The following BPIFB1 variants were observed in gnomAD, a reference collection of about 807,000 sequenced individuals.
The protein encoded by BPIFB1 is BPI fold-containing family B member 1.
BPIFB1 carries 34 observed loss-of-function variants against 55.1 expected under a neutral mutation model. The ratio of observed to expected loss-of-function variants is 0.62; its 90% CI spans 0.47 to 0.82. BPIFB1 has a LOEUF of 0.82. Among genes scored for constraint, BPIFB1 ranks in the 40% least tolerant of loss-of-function variants. The probability of loss-of-function intolerance (pLI) is 0.00; values close to 1 mark genes in which losing one functional copy is unlikely to be tolerated. For missense variants in BPIFB1, 532 were observed against 593.1 expected, an observed-to-expected ratio of 0.90 and a Z score of 1.07; for synonymous variants, 236 against 245.3, an observed-to-expected ratio of 0.96 and a Z score of 0.35.
intron 12 of BPIFB1, 81 bp downstream of exon 12, chr20:33,304,106 C>A: frequency 7.6e-7 from 1 of 1,321,092 alleles, no homozygotes; most frequent in Non-Finnish European, 1.1e-6. Flanking sequence ...TAAACACCGA[C>A]TTTGTGGCTG....
Position 33,304,766 on chromosome 20 carries a change from T to C in BPIFB1, c.1209-80T>C, listed in dbSNP as rs557183883. The C allele has an allele frequency of 2.6e-6, 4 of 1,557,964 alleles. No homozygotes were observed. In the African/African-American group the frequency reaches 4.1e-5, roughly 16 times the overall value. On this transcript the variant is annotated intron_variant, in intron 12 of 15. Coordinates refer to ENST00000253354, the MANE Select transcript of BPIFB1 (RefSeq NM_033197.3). The stretch of plus-strand genomic sequence containing the variant: ...ACTGTGCCTGGCACATAATAGGTGC[T>C]CAATAAATCGCTGTTGAATGAGTGG...
chr20:33,287,977 A>T (rs556023351), intron 2 of BPIFB1, among the ~76,000 whole-genome samples: 1 of 152,176 alleles, frequency 6.6e-6, no homozygotes. Flanking sequence ...CAGTTCCATT[A>T]CCACAGAGCA....
At chr20:33,283,830 G>T (rs1437709659) in intron 1 of BPIFB1, among the ~76,000 whole-genome samples, 2 of 152,032 alleles carry the variant, frequency 1.3e-5, no homozygotes, top group African/African-American at 4.8e-5. Context: ...TCTGGGGGAG[G>T]AGAGTCTTTT....
chr20:33,289,709 T>G (rs1212345978), intron 3 of BPIFB1, among the ~76,000 whole-genome samples, 176 bp from the exon 4 acceptor site: 1 of 151,770 alleles, frequency 6.6e-6, no homozygotes, highest in Non-Finnish European at 1.5e-5. Context: ...AATAGCATTG[T>G]GAGCAGGAGT....
intron 13 of BPIFB1, 56 bp from the exon 14 acceptor site, chr20:33,305,945 TG>T (rs893942702): frequency 4.4e-5 from 69 of 1,584,814 alleles, no homozygotes; most frequent in Middle Eastern, 1.7e-4. Flanking sequence ...CGAAGAATGA[TG>T]GGGGGGAACT....
In BPIFB1 at chr20:33,303,091, G is replaced by A; in HGVS notation, c.1140+17G>A. 1 of 1,611,934 alleles carries A rather than the reference G, an allele frequency of 6.2e-7. No individual in the cohort carries two copies. Reference sequence around the variant, plus strand: ...CTGGGCATCGTGAGTTCAGTTGTCTGCGATATTGGCAGCAACCAGGGGGAC... The same window carrying A: ...CTGGGCATCGTGAGTTCAGTTGTCTACGATATTGGCAGCAACCAGGGGGAC... On this transcript the variant is annotated intron_variant, in intron 11 of 15. Coordinates refer to ENST00000253354, the MANE Select transcript of BPIFB1 (RefSeq NM_033197.3).
chr20:33,303,528 C>T (rs866469865), intron 11 of BPIFB1, among the ~76,000 whole-genome samples: 2 of 152,164 alleles, frequency 1.3e-5, no homozygotes, highest in Non-Finnish European at 2.9e-5. Flanking sequence ...GCAGGAAGAA[C>T]CTATCTTTCC....
chr20:33,284,433 T>C (rs1980199408), intron 1 of BPIFB1, among the ~76,000 whole-genome samples: 1 of 152,172 alleles, frequency 6.6e-6, no homozygotes, highest in African/African-American at 2.4e-5. Flanking sequence ...ACCTGGTCTA[T>C]GCCAACCACT....
chr20:33,289,690 A>C (rs1980391845), intron 3 of BPIFB1, among the ~76,000 whole-genome samples, 195 bp from the exon 4 acceptor site: 1 of 152,096 alleles, frequency 6.6e-6, no homozygotes, highest in Non-Finnish European at 1.5e-5. Flanking sequence ...CTAGAAGAGA[A>C]GGCACCATAA....
At chr20:33,303,717 G>A (rs948862457) in intron 11 of BPIFB1, among the ~76,000 whole-genome samples, 2 of 152,232 alleles carry the variant, frequency 1.3e-5, no homozygotes, top group East Asian at 1.9e-4. Context: ...TTTCGTCGTC[G>A]TCATCGTCAT....
chr20:33,290,429 T>A (rs1483881133), intron 4 of BPIFB1, among the ~76,000 whole-genome samples: 1 of 152,176 alleles, frequency 6.6e-6, no homozygotes, highest in Non-Finnish European at 1.5e-5. Flanking sequence ...CAGGAGGAGA[T>A]AATGATGGCT....
rs952922298 is a variant in BPIFB1, at chr20:33,285,743, A to T, written c.-41-290A>T. ...AAAAAAAAAAAAAAAGAAAGAAAAT[A>T]GCTAATACATTCCAAGTGCTTACCA... On this transcript the variant is annotated intron_variant, in intron 1 of 15. Transcript: ENST00000253354. Among the ~76,000 whole-genome samples the T allele has an allele frequency of 2.0e-5, 3 of 151,878 alleles. 1 individual carries two copies. In the South Asian group the frequency reaches 6.2e-4, roughly 32 times the overall value.
At chr20:33,305,744 G>A (rs1021776870) in intron 13 of BPIFB1, among the ~76,000 whole-genome samples, 1 of 152,106 alleles carries the variant, frequency 6.6e-6, no homozygotes, top group African/African-American at 2.4e-5. Context: ...ACAGAGTGGT[G>A]GGGCCCCTGA....
At chr20:33,304,276 C>T (rs1481274991) in intron 12 of BPIFB1, among the ~76,000 whole-genome samples, 1 of 152,210 alleles carries the variant, frequency 6.6e-6, no homozygotes, top group African/African-American at 2.4e-5. Flanking sequence ...GGACACCTCC[C>T]AGGCCGTGGC....
rs371045318 is a variant in BPIFB1, at chr20:33,303,992, G to A, written c.1175G>A (p.Gly392Asp). 9.3e-6 allele frequency: 15 copies of A among 1,613,720 alleles called. No homozygotes were observed. Among genetic ancestry groups the A allele is most frequent in the Non-Finnish European group, 1.3e-5 (15 of 1,179,956 alleles). Residue 392 changes from glycine to aspartate, a missense_variant, in exon 12 of 16, where the codon GGT (glycine) becomes GAT (aspartate). Gly to Asp is a moderately conservative substitution (Grantham distance 94). Coordinates refer to ENST00000253354, the MANE Select transcript of BPIFB1 (RefSeq NM_033197.3). ...TCGGAAGCTCAGTTTTACACCAAAGGTGACCAACTTATACTCAACTTGAAT... is the reference window on the plus strand; with the variant it reads ...TCGGAAGCTCAGTTTTACACCAAAGATGACCAACTTATACTCAACTTGAAT... The part of the protein sequence containing the change: ...ASSEAQFYTK[G>D]DQLILNLNNI...
chr20:33,295,662 G>GAAAGAAAGAAAGAAAGAAAGAA (rs1980617971), intron 6 of BPIFB1, among the ~76,000 whole-genome samples: 1 of 136,124 alleles, frequency 7.3e-6, no homozygotes, highest in African/African-American at 3.3e-5. Flanking sequence ...GAAAGAAAGA[G>GAAAGAAAGAAAGAAAGAAAGAA]AGAAAGAAAG....
At chr20:33,308,689 C>T (rs1981123056) in intron 15 of BPIFB1, among the ~76,000 whole-genome samples, 1 of 147,464 alleles carries the variant, frequency 6.8e-6, no homozygotes, top group African/African-American at 2.6e-5. Context: ...TATACACATA[C>T]ATACACACAC....
chr20:33,308,579 CACAT>C (rs1158657131), intron 15 of BPIFB1, among the ~76,000 whole-genome samples: 1 of 111,640 alleles, frequency 9.0e-6, no homozygotes, highest in African/African-American at 3.6e-5. Context: ...CATACACACG[CACAT>C]ACAAACACAT....
At chr20:33,291,161 G>A (rs964136732) in intron 5 of BPIFB1, 55 bp downstream of exon 5, 44 of 1,589,032 alleles carry the variant, frequency 2.8e-5, no homozygotes, top group Middle Eastern at 1.7e-4. Context: ...GGAACGCCAG[G>A]CAGTGGACTT....
Sources: allele counts gnomAD v4.1 joint callset (sites outside exome capture counted in the v4.1 genomes callset), GRCh38; gene constraint gnomAD v4.1.1; transcripts MANE v1.5; gene names NCBI Gene and HGNC (gene_info 2026-07-23, HGNC 2026-07-21).